The following NDE1 variants were observed in gnomAD, a reference collection of about 807,000 sequenced individuals.
The protein encoded by NDE1 is nuclear distribution protein nudE homolog 1.
A neutral mutation model predicts 43.4 loss-of-function variants in NDE1; 28 were observed. The ratio of observed to expected loss-of-function variants is 0.65; its 90% CI spans 0.48 to 0.89. The LOEUF (loss-of-function observed/expected upper bound fraction) is 0.89. Ranked by LOEUF, NDE1 falls within the 40% of genes least tolerant of loss-of-function variation. NDE1 has a pLI of 0.00. For missense variants in NDE1, 441 were observed against 434.1 expected (o/e 1.02, Z -0.14); for synonymous variants, 184 against 172.0 (o/e 1.07, Z -0.55).
chr16:15,667,262 T>A (rs1567627288), intron 2 of NDE1, 24 bp from the exon 3 acceptor site: 10 of 1,613,562 alleles, frequency 6.2e-6, no homozygotes, highest in Non-Finnish European at 8.5e-6. Flanking sequence ...TATTACTACG[T>A]GATGATTAAC....
At chr16:15,700,033 C>T (rs998057863) in intron 8 of NDE1, 19 of 1,182,736 alleles carry the variant, frequency 1.6e-5, no homozygotes, top group East Asian at 6.0e-5. Flanking sequence ...TACCTGCCAC[C>T]GTGTGCATTG....
chr16:15,679,712 G>C (rs993224892), intron 4 of NDE1, among the ~76,000 whole-genome samples: 8 of 152,072 alleles, frequency 5.3e-5, no homozygotes, highest in Non-Finnish European at 7.4e-5. Flanking sequence ...AATAACTTTG[G>C]GGTTGTATTG....
chr16:15,671,616 G>A (rs2037597150), intron 3 of NDE1, among the ~76,000 whole-genome samples: 1 of 152,090 alleles, frequency 6.6e-6, no homozygotes, highest in Non-Finnish European at 1.5e-5. Flanking sequence ...CCCTGTACTT[G>A]GCCCACTTCA....
chr16:15,691,318 G>C lies in NDE1; in HGVS notation c.698G>C (p.Arg233Thr). 6.2e-7 allele frequency: 1 copy of C among 1,614,108 alleles called. No homozygotes were observed. Among genetic ancestry groups the C allele is most frequent in the South Asian group, 1.1e-5 (1 of 91,074 alleles). ...AGTTTAAACACACCTGGGAGCTTCA[G>C]ACGTGGTAAGGGGAGTGGGAATTGC... is the stretch of plus-strand genomic sequence containing the variant. Reference protein sequence around the residue: ...SSSLNTPGSFRRGLDDSTGGT... With the variant: ...SSSLNTPGSFTRGLDDSTGGT... The change falls in exon 6 of 9, where the codon AGA becomes ACA. Residue 233 changes from arginine (R) to threonine (T), a missense_variant. Coordinates refer to ENST00000396354, the MANE Select transcript of NDE1 (RefSeq NM_017668.3).
At chr16:15,714,846 C>T (rs561130511) in intron 8 of NDE1, 30 of 1,599,644 alleles carry the variant, frequency 1.9e-5, no homozygotes, top group South Asian at 1.3e-4. Flanking sequence ...GAAAGGAGCC[C>T]GAGCCCCCAG....
chr16:15,693,973 C>G (rs924062634), intron 6 of NDE1, among the ~76,000 whole-genome samples, 192 bp from the exon 7 acceptor site: 1 of 152,128 alleles, frequency 6.6e-6, no homozygotes, highest in East Asian at 1.9e-4. Flanking sequence ...ATCACAAGGA[C>G]TTGAAAAATT....
intron 8 of NDE1, chr16:15,699,878 C>G: frequency 2.3e-6 from 3 of 1,304,268 alleles, no homozygotes; most frequent in Non-Finnish European, 2.0e-6. Context: ...TACCTTTTGT[C>G]GTCTTTTTAC....
At chr16:15,691,922 C>T (rs147271961) in intron 6 of NDE1, among the ~76,000 whole-genome samples, 102 of 152,050 alleles carry the variant, frequency 6.7e-4, no homozygotes, top group African/African-American at 1.9e-3. Context: ...TGAGCCACCG[C>T]GCCTGGTCAA....
At chr16:15,687,250 T>A (rs762064184) in intron 4 of NDE1, 125 bp from the exon 5 acceptor site, 1 of 1,583,096 alleles carries the variant, frequency 6.3e-7, no homozygotes, top group Non-Finnish European at 8.6e-7. Context: ...CTCTGTGGCA[T>A]CTAGGAAGTT....
At chr16:15,664,897 T>G (rs2037225396) in intron 2 of NDE1, 36 bp downstream of exon 2, 1 of 1,551,546 alleles carries the variant, frequency 6.4e-7, no homozygotes, top group South Asian at 1.1e-5. Context: ...CTTTTTTTTT[T>G]TTTTTTGAGA....
intron 8 of NDE1, chr16:15,697,063 T>C: frequency 6.7e-7 from 1 of 1,487,872 alleles, no homozygotes. Context: ...GGGTCTTGTT[T>C]TGTGAGACAG....
intron 8 of NDE1, chr16:15,718,126 T>G: frequency 2.3e-6 from 2 of 853,216 alleles, no homozygotes; most frequent in Non-Finnish European, 3.7e-6. Flanking sequence ...TGGAGAGGAG[T>G]ATTCTGAAGA....
At chr16:15,668,764 C>T (rs1012627288) in intron 3 of NDE1, among the ~76,000 whole-genome samples, 4 of 152,108 alleles carry the variant, frequency 2.6e-5, no homozygotes, top group Admixed American at 6.6e-5. Context: ...GGCTGCAGAC[C>T]ATTTCCTTCA....
At position 15,685,086 on chromosome 16, in the gene NDE1, T is replaced by C. The variant is rs947316037; in HGVS notation, c.387-2289T>C. ...GAATTAATTTCTGCATGATAATGGG[T>C]CTTCCTCTTTATATACTCAGTATGT... On this transcript the variant is annotated intron_variant, in intron 4 of 8. Coordinates refer to ENST00000396354, the MANE Select transcript of NDE1 (RefSeq NM_017668.3). Among the ~76,000 whole-genome samples, 41 of 152,226 alleles carry C rather than the reference T, an allele frequency of 2.7e-4. 1 individual carries two copies. The highest frequency in any genetic ancestry group is 1.6e-3 in the Admixed American group (25 of 15,270).
Position 15,724,034 on chromosome 16 carries a change from TC to T in NDE1, c.948-154del, listed in dbSNP as rs1396787504. The T allele has an allele frequency of 2.0e-6, 3 of 1,511,150 alleles. No individual in the cohort carries two copies. In the African/African-American group the frequency reaches 4.1e-5, roughly 21 times the overall value. 93.6% of individuals were successfully genotyped at this position (1,511,150 alleles called of 1,614,324 possible). A position where few individuals can be genotyped will look rare whatever the true frequency, so the allele number is the denominator to read the frequency against. ...TCGCCCAAGACAAGATAAGACAGCC[TC>T]CCATGGCTCCCCACAGAGTGGAGAG... On this transcript the variant is annotated intron_variant, in intron 8 of 8. Transcript: ENST00000396354.
At chr16:15,694,772 A>AC in intron 7 of NDE1, 1 of 985,258 alleles carries the variant, frequency 1.0e-6, no homozygotes, top group South Asian at 4.7e-5. Flanking sequence ...CCTGCTCTGA[A>AC]CCCTATGTAT....
intron 3 of NDE1, among the ~76,000 whole-genome samples, chr16:15,675,876 C>T (rs985437819): frequency 6.6e-6 from 1 of 152,154 alleles, no homozygotes; most frequent in African/African-American, 2.4e-5. Context: ...GGGGTTTGAT[C>T]TTGGCTCAGT....
intron 4 of NDE1, among the ~76,000 whole-genome samples, chr16:15,686,123 T>C (rs1056724232): frequency 4.6e-5 from 7 of 152,050 alleles, no homozygotes; most frequent in African/African-American, 1.7e-4. Flanking sequence ...GGCTAATTTT[T>C]GTATTTTTAG....
exon 1 of NDE1, chr16:15,643,650 G>T: frequency 3.7e-6 from 1 of 273,830 alleles, no homozygotes. Context: ...ATATTCCCCA[G>T]CATCCTAAAT....
Sources: gnomAD v4.1 joint callset for allele counts (sites outside exome capture counted in the v4.1 genomes callset) on GRCh38, gnomAD v4.1.1 for gene constraint, MANE v1.5 for transcripts, NCBI Gene and HGNC (gene_info 2026-07-23, HGNC 2026-07-21) for gene names.